ITPR2: variants seen among roughly 807,000 people sequenced by gnomAD.
The protein encoded by ITPR2 is inositol 1,4,5-trisphosphate-gated calcium channel ITPR2.
ITPR2 carries 207 observed loss-of-function variants against 317.1 expected under a neutral mutation model. That is an observed-to-expected ratio of 0.65 (90% confidence interval 0.58 to 0.73). ITPR2 has a LOEUF of 0.73. ITPR2 is among the 30% of genes least tolerant of loss of function. The pLI is 0.00. For missense variants in ITPR2, 2,613 were observed against 3,284.0 expected, an observed-to-expected ratio of 0.80 and a Z score of 4.99; for synonymous variants, 1,156 against 1,149.1, an observed-to-expected ratio of 1.01 and a Z score of -0.12.
chr12:26,816,092 C>CAAAAAAA (rs11409442), intron 1 of ITPR2, among the ~76,000 whole-genome samples: 1 of 59,510 alleles, frequency 1.7e-5, no homozygotes, highest in Non-Finnish European at 3.0e-5. Context: ...GACTCCGTCT[C>CAAAAAAA]AAAAAAAAAA....
intron 49 of ITPR2, among the ~76,000 whole-genome samples, chr12:26,426,832 T>A (rs923350): frequency 0.2 from 30,391 of 150,156 alleles, 3,485 homozygotes; most frequent in East Asian, 0.41. Context: ...ATAAATAAAA[T>A]AAATACATTT....
At chr12:26,361,856 GA>G (rs1938840812) in intron 55 of ITPR2, among the ~76,000 whole-genome samples, 1 of 152,204 alleles carries the variant, frequency 6.6e-6, no homozygotes, top group African/African-American at 2.4e-5. Flanking sequence ...CAGCAATTTA[GA>G]AAGATCTTAT....
At chr12:26,627,920 A>T in intron 23 of ITPR2, 113 bp downstream of exon 23, 4 of 950,822 alleles carry the variant, frequency 4.2e-6, no homozygotes, top group Non-Finnish European at 4.6e-6. Flanking sequence ...TTAAAGTATA[A>T]TAAAAAAATT....
intron 49 of ITPR2, among the ~76,000 whole-genome samples, chr12:26,426,095 G>T (rs1941053192): frequency 6.6e-6 from 1 of 152,044 alleles, no homozygotes; most frequent in Non-Finnish European, 1.5e-5. Flanking sequence ...TTATCGTCTT[G>T]GTATTTTTAG....
intron 39 of ITPR2, among the ~76,000 whole-genome samples, chr12:26,490,930 G>A (rs974567008): frequency 2.0e-5 from 3 of 152,178 alleles, no homozygotes; most frequent in African/African-American, 7.2e-5. Context: ...ATGGAGCCTA[G>A]GCTTCTAGGA....
intron 55 of ITPR2, among the ~76,000 whole-genome samples, chr12:26,372,997 T>C (rs1057331712): frequency 3.9e-5 from 6 of 152,164 alleles, no homozygotes; most frequent in African/African-American, 1.4e-4. Context: ...AGTGTTGTCC[T>C]ACTGAAAAGG....
At chr12:26,421,629 G>A (rs1056513460) in intron 49 of ITPR2, among the ~76,000 whole-genome samples, 19 of 152,164 alleles carry the variant, frequency 1.2e-4, no homozygotes, top group African/African-American at 4.6e-4. Flanking sequence ...AGTTGACATC[G>A]TCTAACCAGT....
chr12:26,570,998 A>T (rs1945145128), intron 34 of ITPR2, among the ~76,000 whole-genome samples: 1 of 152,146 alleles, frequency 6.6e-6, no homozygotes, highest in East Asian at 1.9e-4. Context: ...TATACCTTAC[A>T]TTCCAGTTAG....
At chr12:26,600,227 C>G in intron 28 of ITPR2, 118 bp from the exon 29 acceptor site, 1 of 780,946 alleles carries the variant, frequency 1.3e-6, no homozygotes, top group South Asian at 2.1e-5. Context: ...GATCTCCTTT[C>G]TCTGTGTCCT....
chr12:26,608,957 A>C (rs892203476), intron 26 of ITPR2, among the ~76,000 whole-genome samples: 2 of 152,158 alleles, frequency 1.3e-5, no homozygotes, highest in Non-Finnish European at 2.9e-5. Context: ...ACAGAAAAGC[A>C]CTGTACAGGA....
intron 1 of ITPR2, among the ~76,000 whole-genome samples, chr12:26,805,378 T>C (rs564370551): frequency 1.4e-3 from 208 of 152,364 alleles, no homozygotes; most frequent in Non-Finnish European, 2.4e-3. Context: ...TCATTATTAA[T>C]GTTATTTATT....
At position 26,682,652 on chromosome 12, in the gene ITPR2, C is replaced by T. The variant is rs760406500; in HGVS notation, c.1170G>A (p.Arg390=). ...LVPRNSYVRL[R]HLCTNTWVTS... is the part of the protein sequence containing the mutation. Reference sequence around the variant, plus strand: ...TTACCCATGTGTTGGTGCATAAATGCCTTAACCGAACATATGAGTTCCTAA... The same window carrying T: ...TTACCCATGTGTTGGTGCATAAATGTCTTAACCGAACATATGAGTTCCTAA... The change falls in exon 12 of 57, where the codon AGG becomes AGA. Residue 390 remains arginine (R), a synonymous_variant. Transcript: ENST00000381340. 6.2e-7 allele frequency: 1 copy of T among 1,612,274 alleles called. No individual in the cohort carries two copies. Among genetic ancestry groups the T allele is most frequent in the South Asian group, 1.1e-5 (1 of 90,912 alleles).
intron 37 of ITPR2, among the ~76,000 whole-genome samples, chr12:26,507,047 T>C (rs2136904924): frequency 6.6e-6 from 1 of 152,330 alleles, no homozygotes; most frequent in Non-Finnish European, 1.5e-5. Flanking sequence ...ATAAATCTAA[T>C]CTTAATCATT....
At chr12:26,692,629 A>G (rs781091411) in intron 10 of ITPR2, among the ~76,000 whole-genome samples, 26 of 152,258 alleles carry the variant, frequency 1.7e-4, no homozygotes, top group Middle Eastern at 3.4e-3. Flanking sequence ...GATGCTGTAC[A>G]TTTGTAATAT....
intron 2 of ITPR2, among the ~76,000 whole-genome samples, chr12:26,746,265 C>T (rs143507512): frequency 1.4e-3 from 214 of 152,040 alleles, no homozygotes; most frequent in African/African-American, 4.6e-3. Flanking sequence ...GCTTCTTAGA[C>T]GAAGACCTAA....
At chr12:26,697,708 C>G (rs1423662377) in intron 9 of ITPR2, among the ~76,000 whole-genome samples, 2 of 152,020 alleles carry the variant, frequency 1.3e-5, no homozygotes, top group African/African-American at 4.8e-5. Flanking sequence ...ACTTGGGAAG[C>G]TGAGCATGAG....
At chr12:26,825,192 C>T (rs1321058705) in intron 1 of ITPR2, among the ~76,000 whole-genome samples, 2 of 152,106 alleles carry the variant, frequency 1.3e-5, no homozygotes, top group Non-Finnish European at 2.9e-5. Context: ...AAGATCACGC[C>T]ACTGCACTCC....
chr12:26,612,062 C>G (rs1946280695), intron 26 of ITPR2, among the ~76,000 whole-genome samples: 1 of 152,122 alleles, frequency 6.6e-6, no homozygotes, highest in Non-Finnish European at 1.5e-5. Context: ...CCAAATCCAT[C>G]CCCTTCTCCT....
chr12:26,780,456 C>T (rs1950058046), intron 2 of ITPR2, among the ~76,000 whole-genome samples: 2 of 152,190 alleles, frequency 1.3e-5, no homozygotes, highest in Non-Finnish European at 2.9e-5. Context: ...AACATTGCCA[C>T]TGACCAAGGC....
Sources: allele counts gnomAD v4.1 joint callset (sites outside exome capture counted in the v4.1 genomes callset), GRCh38; gene constraint gnomAD v4.1.1; transcripts MANE v1.5; gene names NCBI Gene and HGNC (gene_info 2026-07-23, HGNC 2026-07-21).